Variants in CCDC171 observed in about 807,000 individuals in gnomAD.
The protein encoded by CCDC171 is coiled-coil domain containing 171.
Under a neutral mutation model 168.2 loss-of-function variants are expected in CCDC171, and 177 were observed. That is an observed-to-expected ratio of 1.05 (90% CI 0.93 to 1.19). The LOEUF (loss-of-function observed/expected upper bound fraction) is 1.19, where lower values mean the gene tolerates loss of function less well. Among genes scored for constraint, CCDC171 ranks in the 50% most tolerant of loss-of-function variants. The probability of loss-of-function intolerance (pLI) is 0.00; values close to 1 mark genes in which losing one functional copy is unlikely to be tolerated. For missense variants in CCDC171, 1,991 were observed against 1,539.0 expected (o/e 1.29, Z -4.91); for synonymous variants, 687 against 540.8 (o/e 1.27, Z -3.75).
At chr9:15,553,879 A>G (rs1482214505) in intron 1 of CCDC171, among the ~76,000 whole-genome samples, 2 of 151,254 alleles carry the variant, frequency 1.3e-5, no homozygotes, top group African/African-American at 4.8e-5. Context: ...GAAAATACAT[A>G]TTTCATGTAT....
At chr9:15,627,147 G>A (rs1194501736) in intron 7 of CCDC171, among the ~76,000 whole-genome samples, 1 of 152,162 alleles carries the variant, frequency 6.6e-6, no homozygotes, top group East Asian at 1.9e-4. Context: ...GTATTTCCGT[G>A]GGATCGGTGG....
intron 9 of CCDC171, among the ~76,000 whole-genome samples, chr9:15,672,158 G>A (rs1313065748): frequency 4.6e-5 from 7 of 152,152 alleles, no homozygotes; most frequent in Non-Finnish European, 8.8e-5. Context: ...CTTTTGAGTA[G>A]TGTCTGTTCA....
chr9:15,562,528 T>A (rs1378955865), intron 1 of CCDC171, among the ~76,000 whole-genome samples: 1 of 152,148 alleles, frequency 6.6e-6, no homozygotes, highest in African/African-American at 2.4e-5. Context: ...CACTGAAGTA[T>A]GATGATTCCC....
At chr9:15,805,905 G>T (rs932101799) in intron 21 of CCDC171, among the ~76,000 whole-genome samples, 6 of 152,068 alleles carry the variant, frequency 3.9e-5, no homozygotes, top group African/African-American at 1.4e-4. Context: ...CTCTTTGAAG[G>T]TCTCTAAGAA....
At chr9:15,951,843 G>A (rs80224585) in intron 25 of CCDC171, among the ~76,000 whole-genome samples, 2,601 of 152,080 alleles carry the variant, frequency 0.017, 88 homozygotes, top group South Asian at 0.12. Context: ...AGTGTCCTTT[G>A]ATGCACACAA....
At chr9:15,963,620 G>T (rs948733541) in intron 25 of CCDC171, among the ~76,000 whole-genome samples, 2 of 152,160 alleles carry the variant, frequency 1.3e-5, no homozygotes, top group African/African-American at 4.8e-5. Flanking sequence ...TTTGATATAT[G>T]AAAAGTCATC....
intron 21 of CCDC171, among the ~76,000 whole-genome samples, chr9:15,824,680 A>G (rs1572978): frequency 1.1e-4 from 17 of 151,960 alleles, no homozygotes; most frequent in African/African-American, 3.1e-4. Flanking sequence ...GCTAATTTCT[A>G]TCCTGCGAAC....
chr9:15,842,120 T>G (rs914447422), intron 21 of CCDC171, among the ~76,000 whole-genome samples: 1 of 152,070 alleles, frequency 6.6e-6, no homozygotes, highest in Non-Finnish European at 1.5e-5. Context: ...ATAACACTTG[T>G]GTTGTCTTGC....
chr9:15,805,176 A>AC (rs2059015403), intron 21 of CCDC171, among the ~76,000 whole-genome samples: 1 of 151,714 alleles, frequency 6.6e-6, no homozygotes, highest in Non-Finnish European at 1.5e-5. Context: ...TGTTTTATTA[A>AC]GTTTTTCAAA....
chr9:15,702,427 C>T (rs1321358353), intron 11 of CCDC171, among the ~76,000 whole-genome samples: 1 of 152,070 alleles, frequency 6.6e-6, no homozygotes, highest in South Asian at 2.1e-4. Flanking sequence ...TATCTACTCT[C>T]CCTCTGCTCT....
chr9:15,925,279 T>A (rs1825766762), intron 25 of CCDC171, among the ~76,000 whole-genome samples: 1 of 151,572 alleles, frequency 6.6e-6, no homozygotes, highest in South Asian at 2.1e-4. Flanking sequence ...ATGCTTGAGC[T>A]AGTGACTGAA....
chr9:15,722,737 C>T (rs376372374), intron 12 of CCDC171, among the ~76,000 whole-genome samples: 1 of 152,158 alleles, frequency 6.6e-6, no homozygotes, highest in East Asian at 1.9e-4. Flanking sequence ...TTTTAGCTTG[C>T]TAAGATGAAC....
At chr9:15,610,444 T>TGAAAAAAAAAAAAAA (rs1564043775) in intron 6 of CCDC171, among the ~76,000 whole-genome samples, 1 of 12,700 alleles carries the variant, frequency 7.9e-5, no homozygotes. Context: ...CCATCTCAAC[T>TGAAAAAAAAAAAAAA]AAAAAAAAAA....
the CCDC171 span, among the ~76,000 whole-genome samples, chr9:16,095,634 C>G: frequency 6.6e-6 from 1 of 151,654 alleles, no homozygotes; most frequent in Non-Finnish European, 1.5e-5. Flanking sequence ...ACCTATTTCC[C>G]CATAGAAATG....
intron 9 of CCDC171, among the ~76,000 whole-genome samples, chr9:15,677,465 G>A (rs561478580): frequency 2.0e-5 from 3 of 152,086 alleles, no homozygotes; most frequent in South Asian, 4.2e-4. Flanking sequence ...TTTGATTATA[G>A]TAGTAATTTA....
At chr9:16,085,510 G>A in the CCDC171 span, among the ~76,000 whole-genome samples, 1 of 152,196 alleles carries the variant, frequency 6.6e-6, no homozygotes. Context: ...AACCTCTGCA[G>A]CCAGTGACTG....
intron 11 of CCDC171, among the ~76,000 whole-genome samples, chr9:15,717,539 G>C (rs2053171150): frequency 6.6e-6 from 1 of 152,226 alleles, no homozygotes; most frequent in Non-Finnish European, 1.5e-5. Context: ...CCCACCTCCA[G>C]ATTCAGGCAG....
chr9:15,989,267 A>G (rs1403875145), intron 3 of CCDC171, among the ~76,000 whole-genome samples: 2 of 151,602 alleles, frequency 1.3e-5, no homozygotes, highest in Non-Finnish European at 1.5e-5. Flanking sequence ...ATTTACTGTC[A>G]GCAATACTCA....
At chr9:15,601,570 G>T (rs151059210) in intron 6 of CCDC171, among the ~76,000 whole-genome samples, 1 of 152,298 alleles carries the variant, frequency 6.6e-6, no homozygotes, top group African/African-American at 2.4e-5. Flanking sequence ...TCTGGATACT[G>T]AGGCTGTAAA....
Sources: gnomAD v4.1 joint callset for allele counts (sites outside exome capture counted in the v4.1 genomes callset) on GRCh38, gnomAD v4.1.1 for gene constraint, MANE v1.5 for transcripts, NCBI Gene and HGNC (gene_info 2026-07-23, HGNC 2026-07-21) for gene names.